DBNDD2: variants seen among roughly 807,000 people sequenced by gnomAD.
DBNDD2 encodes the protein dysbindin domain-containing protein 2.
DBNDD2 carries 8 observed loss-of-function variants against 14.0 expected under a neutral mutation model. The observed-to-expected ratio is 0.57, with a 90% CI of 0.33 to 1.03. The LOEUF (loss-of-function observed/expected upper bound fraction) is 1.03, where lower values mean the gene tolerates loss of function less well. DBNDD2 is among the 50% of genes least tolerant of loss of function. DBNDD2 has a pLI of 0.03. For missense variants in DBNDD2, 194 were observed against 206.0 expected (o/e 0.94, Z 0.36); for synonymous variants, 94 against 85.3 (o/e 1.10, Z -0.56).
upstream of DBNDD2, chr20:45,408,229 C>T (rs1410464060): frequency 5.8e-6 from 9 of 1,551,094 alleles, no homozygotes; most frequent in Non-Finnish European, 7.8e-6. Flanking sequence ...CTGGAACTGG[C>T]ATCCCCTTTG....
At chr20:45,407,084 TA>T (rs1989469448), upstream of DBNDD2, 1 of 170,514 alleles carries the variant, frequency 5.9e-6, no homozygotes, top group Non-Finnish European at 1.2e-5. Context: ...TCGGTGGGGT[TA>T]GGGGGAGGGG....
At position 45,410,388 on chromosome 20, in the gene DBNDD2, G is replaced by C. The variant is rs1015540467; in HGVS notation, c.*248G>C. 10 of 514,702 alleles carry C rather than the reference G, an allele frequency of 1.9e-5. No homozygotes were observed. The highest frequency in any genetic ancestry group is 3.2e-5 in the Non-Finnish European group (9 of 284,028). 31.9% of individuals were successfully genotyped at this position (514,702 alleles called of 1,614,324 possible). On this transcript the variant is annotated 3_prime_UTR_variant, in exon 3 of 3. Transcript: ENST00000372710. ...GAGATATGATTTGCAAATGAGGAGA[G>C]AGAAGATGAGGTTGGACAAGATGCC...
chr20:45,406,599 C>T, upstream of DBNDD2: 1 of 1,440,196 alleles, frequency 6.9e-7, no homozygotes. Flanking sequence ...TCGTTCCCGG[C>T]TCCCAGGGCC....
rs60958897 is a variant in DBNDD2 at position 45,410,528 on chromosome 20, G to A, written c.*388G>A. 4,235 of 210,296 alleles carry A rather than the reference G, an allele frequency of 0.02. 175 individuals are homozygous for A. Among genetic ancestry groups the A allele is most frequent in the African/African-American group, 0.089 (3,971 of 44,466 alleles). 13.0% of individuals were successfully genotyped at this position (210,296 alleles called of 1,614,324 possible). ...ACTCCTTAACTCATCAAGTAAGGTG[G>A]TACTCAAGCCATGCTGCCTCCTTAC... On this transcript the variant is annotated 3_prime_UTR_variant, in exon 3 of 3. Transcript: ENST00000372710.
Position 45,410,133 on chromosome 20 carries a change from G to A in DBNDD2, c.479G>A (p.Cys160Tyr), listed in dbSNP as rs746846826. ...GATGGAGGGGCAGAGCCTGGAGCCTGCAGCTAGCAGTGGGCCCCTGCCTAC... is the reference window on the plus strand; with the variant it reads ...GATGGAGGGGCAGAGCCTGGAGCCTACAGCTAGCAGTGGGCCCCTGCCTAC... ...RGDGGAEPGACS is the reference protein window; with the variant it reads ...RGDGGAEPGAYS The change falls in exon 3 of 3, where the codon TGC becomes TAC. Residue 160 changes from cysteine to tyrosine, a missense_variant. By Grantham distance (194) the Cys-to-Tyr change is radical (BLOSUM62 -2). Transcript: ENST00000372710. The A allele has an allele frequency of 1.9e-6, 3 of 1,551,824 alleles. No individual in the cohort carries two copies. In the South Asian group the frequency reaches 3.6e-5, roughly 18 times the overall value.
chr20:45,408,442 T>C lies in DBNDD2; in HGVS notation c.-26T>C. On this transcript the variant is annotated 5_prime_UTR_variant, in exon 1 of 3. Transcript: ENST00000372710. ...TTTCGACTTTGCAGCTGTACTTGTT[T>C]TGCTCCTCTACCCGCAGGAGCTGAC... 6.2e-7 allele frequency: 1 copy of C among 1,614,244 alleles called. No homozygotes were observed. Among genetic ancestry groups the C allele is most frequent in the South Asian group, 1.1e-5 (1 of 91,092 alleles).
At chr20:45,406,724 G>C (rs2743261), upstream of DBNDD2, 15 of 1,286,736 alleles carry the variant, frequency 1.2e-5, no homozygotes, top group Non-Finnish European at 1.5e-5. Context: ...GGGGGCGCCA[G>C]CGCTGCAGGT....
Position 45,408,893 on chromosome 20 carries a change from G to T in DBNDD2, c.232G>T (p.Val78Leu), listed in dbSNP as rs747632423. The T allele has an allele frequency of 6.2e-7, 1 of 1,614,228 alleles. No individual in the cohort carries two copies. The highest frequency in any genetic ancestry group is 8.5e-7 in the Non-Finnish European group (1 of 1,180,052). ...IDLGDPDAAD[V>L]FLPCEDPPPT... ...CCTTGGGGACCCGGATGCAGCAGAT[G>T]TGTTCTTGCCTTGCGAAGATCCTCC... Residue 78 changes from valine to leucine, a missense_variant, in exon 2 of 3, where the codon GTG becomes TTG. Val to Leu is a conservative substitution (Grantham distance 32). Transcript: ENST00000372710.
chr20:45,406,196 G>A (rs1989354275), upstream of DBNDD2: 1 of 476,936 alleles, frequency 2.1e-6, no homozygotes, highest in East Asian at 3.8e-5. Context: ...GCGTCCTCTG[G>A]AGAAGTGCGC....
Position 45,410,393 on chromosome 20 carries a change from G to T in DBNDD2, c.*253G>T. On this transcript the variant is annotated 3_prime_UTR_variant, in exon 3 of 3. Transcript: ENST00000372710. ...ATGATTTGCAAATGAGGAGAGAGAA[G>T]ATGAGGTTGGACAAGATGCCACTGC... 1 of 502,492 alleles carries T rather than the reference G, an allele frequency of 2.0e-6. No homozygotes were observed. The highest frequency in any genetic ancestry group is 3.6e-6 in the Non-Finnish European group (1 of 276,136). The allele number at this position is 502,492 out of a possible 1,614,324, so 31.1% of individuals were successfully genotyped here.
chr20:45,407,520 A>G (rs2145412436), upstream of DBNDD2: 1 of 985,908 alleles, frequency 1.0e-6, no homozygotes, highest in Non-Finnish European at 1.2e-6. Flanking sequence ...GCGAATGGGA[A>G]TGAATGCACC....
upstream of DBNDD2, chr20:45,406,565 C>G: frequency 6.7e-7 from 1 of 1,490,078 alleles, no homozygotes; most frequent in Non-Finnish European, 8.9e-7. Flanking sequence ...CGCCCCTCCC[C>G]CACTTCCGCC....
upstream of DBNDD2, among the ~76,000 whole-genome samples, chr20:45,406,929 C>T (rs1042755723): frequency 6.6e-6 from 1 of 152,186 alleles, no homozygotes; most frequent in Admixed American, 6.5e-5. Flanking sequence ...CTCCATTTCG[C>T]TGGCTCCTGC....
chr20:45,406,690 C>T, upstream of DBNDD2: 3 of 1,331,380 alleles, frequency 2.3e-6, no homozygotes, highest in Non-Finnish European at 2.9e-6. Flanking sequence ...CGCGGCCTCG[C>T]TGGAGCGGAC....
upstream of DBNDD2, chr20:45,407,942 A>T (rs1453840856): frequency 7.3e-7 from 1 of 1,369,350 alleles, no homozygotes; most frequent in Non-Finnish European, 9.4e-7. Flanking sequence ...AGAGAAAAGG[A>T]GGGGCGCGGG....
At chr20:45,407,569 T>G, upstream of DBNDD2, 1 of 986,400 alleles carries the variant, frequency 1.0e-6, no homozygotes, top group Non-Finnish European at 1.2e-6. Flanking sequence ...TCTGGCAGGG[T>G]CTCAGCTTCT....
At chr20:45,408,223 A>T, upstream of DBNDD2, 1 of 1,551,174 alleles carries the variant, frequency 6.4e-7, no homozygotes, top group East Asian at 2.4e-5. Context: ...TGGTGCCTGG[A>T]ACTGGCATCC....
At position 45,408,411 on chromosome 20, in the gene DBNDD2, C is replaced by T. The variant is rs774400474; in HGVS notation, c.-57C>T. The T allele has an allele frequency of 2.4e-5, 38 of 1,614,182 alleles. No homozygotes were observed. Among genetic ancestry groups the T allele is most frequent in the East Asian group, 4.5e-5 (2 of 44,884 alleles). On this transcript the variant is annotated 5_prime_UTR_variant, in exon 1 of 3. Coordinates refer to ENST00000372710, the MANE Select transcript of DBNDD2 (RefSeq NM_001048225.4). Reference sequence around the variant, plus strand: ...CGCCCCAAGCCCAGGTCCCCTCTGTCTTCTCTTTCGACTTTGCAGCTGTAC... The same window carrying T: ...CGCCCCAAGCCCAGGTCCCCTCTGTTTTCTCTTTCGACTTTGCAGCTGTAC...
Position 45,410,012 on chromosome 20 carries a change from T to G in DBNDD2, c.358T>G (p.Ser120Ala). ...RTTSRTSSSSSSDSSTNLHSP... is the reference protein window; with the variant it reads ...RTTSRTSSSSASDSSTNLHSP... Reference sequence around the variant, plus strand: ...CACATCTAGGACCTCCTCCTCCTCCTCCTCCGACTCCTCCACCAACCTGCA... The same window carrying G: ...CACATCTAGGACCTCCTCCTCCTCCGCCTCCGACTCCTCCACCAACCTGCA... Residue 120 changes from serine (S) to alanine (A), a missense_variant, in exon 3 of 3, where the codon TCC becomes GCC. By Grantham distance (99) the Ser-to-Ala change is moderately conservative. Transcript: ENST00000372710. 1 of 1,551,922 alleles carries G rather than the reference T, an allele frequency of 6.4e-7. No individual in the cohort carries two copies. The highest frequency in any genetic ancestry group is 1.2e-5 in the South Asian group (1 of 83,964).
Sources: allele counts gnomAD v4.1 joint callset (sites outside exome capture counted in the v4.1 genomes callset), GRCh38; gene constraint gnomAD v4.1.1; transcripts MANE v1.5; gene names NCBI Gene and HGNC (gene_info 2026-07-23, HGNC 2026-07-21).